SYT1: variants seen among roughly 807,000 people sequenced by gnomAD.
SYT1 encodes synaptotagmin-1.
In SYT1, 8 loss-of-function variants were observed where a neutral mutation model predicts 44.8. That is an observed-to-expected ratio of 0.18 (90% CI 0.10 to 0.32). The LOEUF (loss-of-function observed/expected upper bound fraction) is 0.32, where lower values mean the gene tolerates loss of function less well. SYT1 is among the 10% of genes least tolerant of loss of function. The pLI is 1.00. For synonymous variants in SYT1, 154 were observed against 188.8 expected (o/e 0.82, Z 1.51); for missense variants, 286 against 509.3 (o/e 0.56, Z 4.22).
chr12:78,876,901 A>G (rs1401723296), intron 1 of SYT1, among the ~76,000 whole-genome samples: 1 of 108,740 alleles, frequency 9.2e-6, no homozygotes, highest in Non-Finnish European at 1.8e-5. Flanking sequence ...TATATATTAT[A>G]TATTATATGT....
chr12:79,308,951 G>C (rs1183448952), intron 8 of SYT1, among the ~76,000 whole-genome samples: 1 of 152,216 alleles, frequency 6.6e-6, no homozygotes, highest in Non-Finnish European at 1.5e-5. Flanking sequence ...CAAAACCATA[G>C]CTATTACATG....
intron 1 of SYT1, among the ~76,000 whole-genome samples, chr12:78,878,519 G>A (rs540617335): frequency 1.3e-5 from 2 of 151,722 alleles, no homozygotes; most frequent in Admixed American, 1.3e-4. Context: ...TCTCATAGTG[G>A]TGAATAAGTT....
At chr12:79,312,167 A>G (rs1880839051) in intron 8 of SYT1, among the ~76,000 whole-genome samples, 1 of 152,142 alleles carries the variant, frequency 6.6e-6, no homozygotes, top group African/African-American at 2.4e-5. Flanking sequence ...CATCTAGTCT[A>G]AGACTAAAAT....
At position 79,234,734 on chromosome 12, in the gene SYT1, T is replaced by C. The variant is rs541861929; in HGVS notation, c.166+17049T>C. ...TTTCTTTTTTTTTTTTTTTTTGAGA[T>C]GAAGTCTTGCTGTGTCACCAGGCTG... On this transcript the variant is annotated intron_variant, in intron 4 of 10. Coordinates refer to ENST00000261205, the MANE Select transcript of SYT1 (RefSeq NM_005639.3). 4.1e-5 allele frequency among the ~76,000 whole-genome samples: 6 copies of C among 146,548 alleles called. No homozygotes were observed. The South Asian group carries it at 1.3e-3, about 32-fold the overall frequency.
chr12:79,426,351 T>C (rs535806343), intron 9 of SYT1, among the ~76,000 whole-genome samples: 1 of 152,242 alleles, frequency 6.6e-6, no homozygotes, highest in African/African-American at 2.4e-5. Context: ...CTGGGAAGAA[T>C]GAGAGCAGAG....
At chr12:79,238,965 T>C (rs1422391532) in intron 4 of SYT1, among the ~76,000 whole-genome samples, 1 of 152,268 alleles carries the variant, frequency 6.6e-6, no homozygotes, top group Non-Finnish European at 1.5e-5. Flanking sequence ...ATAAGCCTCA[T>C]GCATATAGCA....
intron 3 of SYT1, among the ~76,000 whole-genome samples, chr12:79,178,049 A>G: frequency 6.6e-6 from 1 of 151,708 alleles, no homozygotes; most frequent in African/African-American, 2.4e-5. Context: ...TCTTTAGTTT[A>G]ATTAGATCCC....
At chr12:79,172,367 G>A (rs1452952606) in intron 3 of SYT1, among the ~76,000 whole-genome samples, 2 of 151,976 alleles carry the variant, frequency 1.3e-5, no homozygotes, top group African/African-American at 4.8e-5. Context: ...ATTTTAAGTG[G>A]TAAGACATTT....
At chr12:79,182,306 T>C (rs1487064118) in intron 3 of SYT1, among the ~76,000 whole-genome samples, 1 of 152,052 alleles carries the variant, frequency 6.6e-6, no homozygotes, top group Admixed American at 6.6e-5. Context: ...TTAACTCCCT[T>C]TCTGTGATTT....
At chr12:79,030,413 C>G (rs184259422) in intron 2 of SYT1, among the ~76,000 whole-genome samples, 1 of 151,188 alleles carries the variant, frequency 6.6e-6, no homozygotes, top group Non-Finnish European at 1.5e-5. Flanking sequence ...CATAACTTTT[C>G]TCCTTCATAA....
At chr12:79,270,530 A>T (rs1451951125) in intron 4 of SYT1, among the ~76,000 whole-genome samples, 1 of 152,214 alleles carries the variant, frequency 6.6e-6, no homozygotes, top group Non-Finnish European at 1.5e-5. Context: ...GGATGAAAAT[A>T]TAGCTCATCC....
chr12:79,356,566 G>A (rs987866594), intron 9 of SYT1, among the ~76,000 whole-genome samples: 3 of 152,122 alleles, frequency 2.0e-5, no homozygotes, highest in African/African-American at 7.2e-5. Flanking sequence ...ACCTATGTAC[G>A]AGGAGACCAA....
intron 1 of SYT1, among the ~76,000 whole-genome samples, chr12:78,956,308 A>T (rs180793487): frequency 6.6e-6 from 1 of 152,258 alleles, no homozygotes; most frequent in East Asian, 1.9e-4. Context: ...TAATCTGGAG[A>T]CACACTTATT....
chr12:79,017,308 A>G (rs1871870394), intron 2 of SYT1, among the ~76,000 whole-genome samples: 1 of 152,176 alleles, frequency 6.6e-6, no homozygotes, highest in Non-Finnish European at 1.5e-5. Flanking sequence ...TGTTAAGAAT[A>G]GCAAAATAAT....
intron 10 of SYT1, among the ~76,000 whole-genome samples, chr12:79,445,212 G>A: frequency 6.6e-6 from 1 of 151,830 alleles, no homozygotes; most frequent in Non-Finnish European, 1.5e-5. Context: ...ACATATTCAT[G>A]GGGCACATAG....
intron 1 of SYT1, among the ~76,000 whole-genome samples, chr12:78,905,104 G>A (rs1875891696): frequency 6.6e-6 from 1 of 152,112 alleles, no homozygotes; most frequent in Non-Finnish European, 1.5e-5. Context: ...TACTTGGTAA[G>A]GCAATTTTTT....
intron 4 of SYT1, among the ~76,000 whole-genome samples, chr12:79,251,211 T>C (rs993633704): frequency 2.6e-5 from 4 of 152,166 alleles, no homozygotes; most frequent in Admixed American, 1.3e-4. Flanking sequence ...CTGAGACTTA[T>C]ATCCACCCTT....
intron 1 of SYT1, among the ~76,000 whole-genome samples, chr12:78,888,771 C>T (rs1176217269): frequency 2.6e-5 from 4 of 151,762 alleles, no homozygotes; most frequent in South Asian, 2.1e-4. Context: ...ACCAAGGGTG[C>T]GATTTGCATT....
At chr12:79,258,524 G>C (rs528940502) in intron 4 of SYT1, among the ~76,000 whole-genome samples, 1 of 152,156 alleles carries the variant, frequency 6.6e-6, no homozygotes, top group Non-Finnish European at 1.5e-5. Flanking sequence ...CTACTCTTTT[G>C]TGGCTTTAAA....
Sources: gnomAD v4.1 joint callset for allele counts (sites outside exome capture counted in the v4.1 genomes callset) on GRCh38, gnomAD v4.1.1 for gene constraint, MANE v1.5 for transcripts, NCBI Gene and HGNC (gene_info 2026-07-23, HGNC 2026-07-21) for gene names.